The following FGF14 variants were observed in gnomAD, a reference collection of about 807,000 sequenced individuals.
The protein encoded by FGF14 is fibroblast growth factor homologous factor 4.
In FGF14, 5 loss-of-function variants were observed where a neutral mutation model predicts 25.5. That is an observed-to-expected ratio of 0.20 (90% CI 0.10 to 0.41). The LOEUF is 0.41. Ranked by LOEUF, FGF14 falls within the 10% of genes least tolerant of loss-of-function variation. The probability of loss-of-function intolerance (pLI) is 1.00; values close to 1 mark genes in which losing one functional copy is unlikely to be tolerated. For missense variants in FGF14, 222 were observed against 320.1 expected (o/e 0.69, Z 2.34); for synonymous variants, 138 against 118.3 (o/e 1.17, Z -1.08).
intron 1 of FGF14, among the ~76,000 whole-genome samples, chr13:101,977,576 C>A (rs372348853): frequency 2.6e-5 from 4 of 152,212 alleles, no homozygotes; most frequent in South Asian, 4.2e-4. Flanking sequence ...TCTTTGCTTT[C>A]TTTCTTTTTA....
At chr13:101,968,111 T>C (rs1036289972) in intron 1 of FGF14, among the ~76,000 whole-genome samples, 6 of 152,210 alleles carry the variant, frequency 3.9e-5, no homozygotes, top group African/African-American at 1.4e-4. Context: ...CTATAATTGA[T>C]TACATTCTAC....
intron 1 of FGF14, among the ~76,000 whole-genome samples, chr13:102,330,626 C>A (rs1316689366): frequency 6.6e-6 from 1 of 152,138 alleles, no homozygotes; most frequent in Non-Finnish European, 1.5e-5. Flanking sequence ...TTCAATCCCG[C>A]CCCACTCCCA....
chr13:101,942,386 A>C (rs1192960903), intron 1 of FGF14, among the ~76,000 whole-genome samples: 1 of 152,248 alleles, frequency 6.6e-6, no homozygotes, highest in Non-Finnish European at 1.5e-5. Context: ...TCTAGAAAAA[A>C]AATACTAGTG....
At chr13:101,880,032 T>C (rs562357990) in intron 1 of FGF14, among the ~76,000 whole-genome samples, 1 of 152,332 alleles carries the variant, frequency 6.6e-6, no homozygotes, top group East Asian at 1.9e-4. Context: ...TATCTTTGTT[T>C]ATCCCTTAAG....
intron 1 of FGF14, among the ~76,000 whole-genome samples, chr13:102,144,222 T>C (rs974042806): frequency 6.6e-6 from 1 of 152,140 alleles, no homozygotes; most frequent in Admixed American, 6.6e-5. Context: ...TGGCCCGCCA[T>C]GCATAGTAAG....
intron 1 of FGF14, among the ~76,000 whole-genome samples, chr13:102,103,738 C>A (rs1246878995): frequency 1.3e-5 from 2 of 152,154 alleles, no homozygotes; most frequent in Admixed American, 6.5e-5. Flanking sequence ...TTTACCTGAG[C>A]AGGTTTTATT....
chr13:102,275,234 T>TTCTCTCCCTC (rs2053456365), intron 1 of FGF14, among the ~76,000 whole-genome samples: 3 of 67,448 alleles, frequency 4.4e-5, no homozygotes, highest in Admixed American at 1.4e-4. Flanking sequence ...TTAGGCAGAT[T>TTCTCTCCCTC]TCTCTCTCTC....
chr13:102,068,796 G>T (rs1018852041), intron 1 of FGF14, among the ~76,000 whole-genome samples: 1 of 152,152 alleles, frequency 6.6e-6, no homozygotes, highest in Non-Finnish European at 1.5e-5. Flanking sequence ...CCTCCCCGAC[G>T]AGCACCACCC....
intron 1 of FGF14, among the ~76,000 whole-genome samples, chr13:102,120,702 A>AT (rs10611209): frequency 1.8e-3 from 259 of 140,300 alleles, no homozygotes; most frequent in Admixed American, 2.7e-3. Context: ...TAGAAAAGTG[A>AT]TTTTTTTTTT....
intron 1 of FGF14, among the ~76,000 whole-genome samples, chr13:102,272,821 C>T (rs2053316890): frequency 1.3e-5 from 2 of 152,022 alleles, no homozygotes; most frequent in Admixed American, 6.5e-5. Context: ...TGAATTATGT[C>T]ACACTGACAG....
At chr13:102,215,262 C>T (rs1343462968) in intron 1 of FGF14, among the ~76,000 whole-genome samples, 1 of 152,222 alleles carries the variant, frequency 6.6e-6, no homozygotes, top group Non-Finnish European at 1.5e-5. Context: ...GGTCAGCATG[C>T]TCCAGCACTG....
At chr13:101,943,886 C>T (rs1294482401) in intron 1 of FGF14, among the ~76,000 whole-genome samples, 2 of 147,250 alleles carry the variant, frequency 1.4e-5, no homozygotes, top group Non-Finnish European at 3.0e-5. Context: ...CCTGTAATCC[C>T]AGGTACTGGG....
chr13:102,258,064 A>G (rs1186815896), intron 1 of FGF14, among the ~76,000 whole-genome samples: 2 of 152,190 alleles, frequency 1.3e-5, no homozygotes, highest in Non-Finnish European at 2.9e-5. Flanking sequence ...CATGTCTTAC[A>G]TGGCAGCAGA....
intron 1 of FGF14, among the ~76,000 whole-genome samples, chr13:102,029,626 G>A (rs2041110914): frequency 6.6e-6 from 1 of 152,042 alleles, no homozygotes; most frequent in South Asian, 2.1e-4. Context: ...GCCCAAAGCA[G>A]AAGCTACAGA....
chr13:101,943,826 A>AAAATATATATATATATATATATACACAC (rs1555324449), intron 1 of FGF14, among the ~76,000 whole-genome samples: 1 of 126,808 alleles, frequency 7.9e-6, no homozygotes, highest in African/African-American at 3.4e-5. Flanking sequence ...AAAAAAAAAA[A>AAAATATATATATATATATATATACACAC]ATATATATAT....
At chr13:101,917,527 G>A (rs967479081), upstream of FGF14, among the ~76,000 whole-genome samples, 1 of 151,974 alleles carries the variant, frequency 6.6e-6, no homozygotes, top group Admixed American at 6.5e-5. Context: ...GGGGCTTCTC[G>A]GTCTTAACGT....
intron 1 of FGF14, among the ~76,000 whole-genome samples, chr13:102,168,002 G>A (rs1176653927): frequency 6.6e-6 from 1 of 151,752 alleles, no homozygotes; most frequent in African/African-American, 2.4e-5. Flanking sequence ...TTATGTAGTC[G>A]CTGACTCTCC....
chr13:101,827,555 A>C (rs1481234368), intron 3 of FGF14, among the ~76,000 whole-genome samples: 1 of 151,882 alleles, frequency 6.6e-6, no homozygotes, highest in Non-Finnish European at 1.5e-5. Flanking sequence ...AAGGCTATTC[A>C]TAAGATATAT....
chr13:101,797,269 C>T (rs183928887), intron 3 of FGF14, among the ~76,000 whole-genome samples: 2 of 152,032 alleles, frequency 1.3e-5, no homozygotes, highest in East Asian at 1.9e-4. Context: ...CTGGAGTATA[C>T]GGGTTAAGTT....
Sources: gnomAD v4.1 joint callset for allele counts (sites outside exome capture counted in the v4.1 genomes callset) on GRCh38, gnomAD v4.1.1 for gene constraint, MANE v1.5 for transcripts, NCBI Gene and HGNC (gene_info 2026-07-23, HGNC 2026-07-21) for gene names.